Variants in GLIPR2 observed in about 807,000 individuals in gnomAD.
GLIPR2 encodes the protein Golgi-associated plant pathogenesis-related protein 1.
A neutral mutation model predicts 20.4 loss-of-function variants in GLIPR2; 21 were observed. The ratio of observed to expected loss-of-function variants is 1.03; its 90% CI spans 0.73 to 1.48. The LOEUF (loss-of-function observed/expected upper bound fraction) is 1.48, where lower values mean the gene tolerates loss of function less well. GLIPR2 is among the 40% of genes most tolerant of loss of function. The pLI, the probability that GLIPR2 is intolerant of heterozygous loss-of-function variation, is 0.00. For synonymous variants in GLIPR2, 91 were observed against 80.5 expected (o/e 1.13, Z -0.70); for missense variants, 205 against 200.1 (o/e 1.02, Z -0.15).
chr9:36,143,944 G>A (rs946338167), intron 1 of GLIPR2, among the ~76,000 whole-genome samples: 11 of 152,088 alleles, frequency 7.2e-5, no homozygotes, highest in African/African-American at 2.2e-4. Context: ...GGCCTCCACC[G>A]TGTCTTCCAG....
At chr9:36,152,961 A>C (rs1825663483) in intron 4 of GLIPR2, among the ~76,000 whole-genome samples, 1 of 140,494 alleles carries the variant, frequency 7.1e-6, no homozygotes, top group African/African-American at 2.6e-5. Flanking sequence ...GCAAAAAAAA[A>C]AAAAAAAAAA....
At chr9:36,141,420 G>A (rs1036563563) in intron 1 of GLIPR2, among the ~76,000 whole-genome samples, 3 of 150,194 alleles carry the variant, frequency 2.0e-5, no homozygotes, top group Admixed American at 1.3e-4. Context: ...GCTTTGCCCC[G>A]AAGGCAGAAC....
At chr9:36,154,083 T>TTATATA (rs199864363) in intron 4 of GLIPR2, among the ~76,000 whole-genome samples, 1 of 85,654 alleles carries the variant, frequency 1.2e-5, no homozygotes, top group Non-Finnish European at 2.7e-5. Context: ...ATATTATATA[T>TTATATA]TATATATATA....
At chr9:36,159,297 C>G (rs916615496) in intron 4 of GLIPR2, among the ~76,000 whole-genome samples, 5 of 152,156 alleles carry the variant, frequency 3.3e-5, no homozygotes, top group African/African-American at 1.2e-4. Context: ...ATGTTTGGCT[C>G]AGAGCAGAAG....
At chr9:36,146,070 TCTG>T (rs1446766999) in intron 1 of GLIPR2, 1 of 152,304 alleles carries the variant, frequency 6.6e-6, no homozygotes, top group Non-Finnish European at 1.5e-5. Context: ...TAGTCCATTT[TCTG>T]CTGCTATAAA....
chr9:36,137,963 C>T (rs1302278444), intron 1 of GLIPR2, among the ~76,000 whole-genome samples: 1 of 152,266 alleles, frequency 6.6e-6, no homozygotes, highest in Admixed American at 6.5e-5. Context: ...CAGCCAATCA[C>T]TGGCTGTGTG....
At chr9:36,147,267 C>T (rs770170649) in intron 1 of GLIPR2, among the ~76,000 whole-genome samples, 1 of 152,202 alleles carries the variant, frequency 6.6e-6, no homozygotes, top group Non-Finnish European at 1.5e-5. Context: ...AGGTGCCCTC[C>T]TCCCCAGCCA....
At chr9:36,141,638 G>A (rs1571268) in intron 1 of GLIPR2, among the ~76,000 whole-genome samples, 56,950 of 151,940 alleles carry the variant, frequency 0.37, 11,885 homozygotes, top group Admixed American at 0.47. Context: ...GAGGGGCATA[G>A]ACCTCCTCAG....
chr9:36,147,353 C>A (rs1825371116), intron 1 of GLIPR2, among the ~76,000 whole-genome samples: 1 of 152,164 alleles, frequency 6.6e-6, no homozygotes, highest in Non-Finnish European at 1.5e-5. Context: ...CCTGAGATAC[C>A]CGGTCTCCTT....
intron 1 of GLIPR2, among the ~76,000 whole-genome samples, chr9:36,146,603 AC>A (rs1253346161): frequency 7.2e-5 from 11 of 152,226 alleles, no homozygotes; most frequent in African/African-American, 2.7e-4. Context: ...ATTCCAAAAT[AC>A]ATTGGTGGGA....
At chr9:36,157,847 C>G (rs1198188663) in intron 4 of GLIPR2, among the ~76,000 whole-genome samples, 3 of 151,510 alleles carry the variant, frequency 2.0e-5, no homozygotes, top group African/African-American at 4.9e-5. Context: ...GAGTCTCACT[C>G]TGTTACCCAG....
intron 1 of GLIPR2, among the ~76,000 whole-genome samples, chr9:36,145,232 C>A (rs1825271604): frequency 1.3e-5 from 2 of 152,278 alleles, no homozygotes; most frequent in African/African-American, 4.8e-5. Context: ...CTCCCAGATT[C>A]CTGAGTATGG....
Position 36,148,573 on chromosome 9 carries a change from G to A in GLIPR2, c.149G>A (p.Arg50Lys). The change falls in exon 3 of 5, where the codon AGG (arginine) becomes AAG (lysine). Residue 50 changes from arginine (R) to lysine (K), a missense_variant. Transcript: ENST00000377960. ...TATTCTGAGGCCCTGGCCAGCACGAGGATCCTCAAGCACAGCCCGGAGTCC... is the reference window on the plus strand; with the variant it reads ...TATTCTGAGGCCCTGGCCAGCACGAAGATCCTCAAGCACAGCCCGGAGTCC... ...QQYSEALAST[R>K]ILKHSPESSR... is the part of the protein sequence containing the mutation. The A allele has an allele frequency of 6.2e-7, 1 of 1,613,972 alleles. No homozygotes were observed. Among genetic ancestry groups the A allele is most frequent in the African/African-American group, 1.3e-5 (1 of 75,064 alleles).
intron 1 of GLIPR2, among the ~76,000 whole-genome samples, chr9:36,147,097 C>A (rs1041007949): frequency 2.0e-5 from 3 of 152,240 alleles, no homozygotes. Flanking sequence ...AACACTCTCA[C>A]AGACACACCC....
rs1825407378 is a variant in GLIPR2 at position 36,147,970 on chromosome 9, A to G, written c.122+76A>G. On this transcript the variant is annotated intron_variant, in intron 2 of 4. Transcript: ENST00000377960. ...GCAGTCACAAAGGGGCCCTGTGGCC[A>G]GGCACGATGGCTCACACCTGTAATT... 3 of 790,812 alleles carry G rather than the reference A, an allele frequency of 3.8e-6. No homozygotes were observed. The Admixed American group carries it at 5.1e-5, about 13-fold the overall frequency. The allele number at this position is 790,812 out of a possible 1,614,324, so 49.0% of individuals were successfully genotyped here. A position where few individuals can be genotyped will look rare whatever the true frequency, so the allele number is the denominator to read the frequency against.
chr9:36,139,565 T>C (rs549957327), intron 1 of GLIPR2, among the ~76,000 whole-genome samples: 29 of 152,294 alleles, frequency 1.9e-4, no homozygotes, highest in African/African-American at 6.7e-4. Flanking sequence ...TCTGTGTCTA[T>C]AGGGCAGGTG....
intron 1 of GLIPR2, among the ~76,000 whole-genome samples, chr9:36,138,676 G>T (rs1020793895): frequency 6.6e-6 from 1 of 152,118 alleles, no homozygotes; most frequent in Admixed American, 6.6e-5. Flanking sequence ...ACCCAGTGCC[G>T]GGGCGTGCAT....
chr9:36,158,462 C>T (rs761127229), intron 4 of GLIPR2, among the ~76,000 whole-genome samples: 1 of 152,200 alleles, frequency 6.6e-6, no homozygotes, highest in Non-Finnish European at 1.5e-5. Flanking sequence ...CTTAGATACT[C>T]TGATCATGAC....
intron 4 of GLIPR2, 31 bp from the exon 5 acceptor site, chr9:36,162,331 T>G: frequency 6.2e-7 from 1 of 1,602,610 alleles, no homozygotes; most frequent in Non-Finnish European, 8.5e-7. Context: ...AATTCAGCCG[T>G]GTCCCTCTCC....
Sources: gnomAD v4.1 joint callset for allele counts (sites outside exome capture counted in the v4.1 genomes callset) on GRCh38, gnomAD v4.1.1 for gene constraint, MANE v1.5 for transcripts, NCBI Gene and HGNC (gene_info 2026-07-23, HGNC 2026-07-21) for gene names.